RICTOR: variants seen among roughly 807,000 people sequenced by gnomAD.
RICTOR encodes rapamycin-insensitive companion of mTOR.
RICTOR carries 49 observed loss-of-function variants against 214.9 expected under a neutral mutation model. The ratio of observed to expected loss-of-function variants is 0.23; its 90% CI spans 0.18 to 0.29. RICTOR has a LOEUF of 0.29. Ranked by LOEUF, RICTOR falls within the 10% of genes least tolerant of loss-of-function variation. The pLI is 1.00. For synonymous variants in RICTOR, 717 were observed against 711.3 expected (o/e 1.01, Z -0.13); for missense variants, 1,625 against 2,047.0 (o/e 0.79, Z 3.98).
Position 38,978,639 on chromosome 5 carries a change from T to G in RICTOR, c.765A>C (p.Ala255=). 1 of 1,539,950 alleles carries G rather than the reference T, an allele frequency of 6.5e-7. No homozygotes were observed. Among genetic ancestry groups the G allele is most frequent in the Non-Finnish European group, 8.9e-7 (1 of 1,124,358 alleles). Residue 255 remains alanine, a synonymous_variant, in exon 9 of 38, where the codon GCA becomes GCC. Coordinates refer to ENST00000357387, the MANE Select transcript of RICTOR (RefSeq NM_152756.5). ...GTCTGTAGTGAAAATCAGTATAGGG[T>G]GCTAAAATTCTCTATTTAAAAAAAA... The part of the protein sequence containing the change: ...RADVELERIL[A]PYTDFHYRHS...
intron 3 of RICTOR, among the ~76,000 whole-genome samples, chr5:39,015,836 T>G (rs1754900185): frequency 6.6e-6 from 1 of 152,144 alleles, no homozygotes; most frequent in African/African-American, 2.4e-5. Context: ...ACATATTATG[T>G]GTCAGGCACT....
intron 8 of RICTOR, among the ~76,000 whole-genome samples, chr5:38,980,337 A>G (rs925728879): frequency 6.6e-6 from 1 of 152,146 alleles, no homozygotes; most frequent in African/African-American, 2.4e-5. Flanking sequence ...AAAGACTCCA[A>G]GTGATGTTAT....
chr5:38,950,469 T>G lies in RICTOR; in HGVS notation c.3379A>C (p.Ser1127Arg). The G allele has an allele frequency of 6.2e-7, 1 of 1,613,544 alleles. No homozygotes were observed. The highest frequency in any genetic ancestry group is 8.5e-7 in the Non-Finnish European group (1 of 1,179,658). The change falls in exon 31 of 38, where the codon AGC (serine) becomes CGC (arginine). Residue 1127 changes from serine to arginine, a missense_variant. Coordinates refer to ENST00000357387, the MANE Select transcript of RICTOR (RefSeq NM_152756.5). ...GGKLSSESKTSNRRIRTLTEP... is the reference protein window; with the variant it reads ...GGKLSSESKTRNRRIRTLTEP... ...GTAAGTGTTCTGATTCGCCTGTTGC[T>G]TGTCTTACTTTCAGATGATAATTTC...
intron 29 of RICTOR, 126 bp downstream of exon 29, chr5:38,952,859 G>C (rs1748911158): frequency 1.7e-6 from 1 of 590,230 alleles, no homozygotes; most frequent in Non-Finnish European, 3.0e-6. Flanking sequence ...TAATAATCTT[G>C]TATCATTAGA....
intron 2 of RICTOR, among the ~76,000 whole-genome samples, chr5:39,046,388 AAAG>A (rs536300632): frequency 3.6e-4 from 54 of 151,326 alleles, no homozygotes; most frequent in Non-Finnish European, 5.6e-4. Context: ...AAAAAAAAAA[AAAG>A]AAGAAGAATA....
rs765637610 is a variant in RICTOR at position 39,074,369 on chromosome 5, C to G, written c.9G>C (p.Ala3=). 18 of 1,539,474 alleles carry G rather than the reference C, an allele frequency of 1.2e-5. No homozygotes were observed. The highest frequency in any genetic ancestry group is 1.6e-5 in the Non-Finnish European group (18 of 1,142,394). MA[A]IGRGRSLKNL... ...TCTTCAGAGAGCGGCCGCGGCCGAT[C>G]GCCGCCATATTGACGGGTTTCAGTC... Residue 3 remains alanine (A), a synonymous_variant, in exon 1 of 38, where the codon GCG becomes GCC. Transcript: ENST00000357387.
At chr5:39,068,837 A>G (rs1254242253) in intron 2 of RICTOR, among the ~76,000 whole-genome samples, 2 of 152,228 alleles carry the variant, frequency 1.3e-5, no homozygotes, top group Non-Finnish European at 2.9e-5. Flanking sequence ...GGAAATACCT[A>G]GAATGTGAAA....
chr5:39,002,348 G>C (rs1366749794), intron 5 of RICTOR, among the ~76,000 whole-genome samples, 187 bp downstream of exon 5: 2 of 151,356 alleles, frequency 1.3e-5, no homozygotes, highest in African/African-American at 4.9e-5. Context: ...AGCTTTACTG[G>C]GATGCTGAAA....
intron 2 of RICTOR, among the ~76,000 whole-genome samples, chr5:39,055,423 C>T (rs1021853611): frequency 8.0e-6 from 1 of 125,072 alleles, no homozygotes; most frequent in African/African-American, 3.0e-5. Flanking sequence ...CAATTCCCCC[C>T]CCCCACTCTT....
intron 10 of RICTOR, among the ~76,000 whole-genome samples, chr5:38,974,952 TC>T (rs1462249829): frequency 2.6e-5 from 4 of 152,220 alleles, no homozygotes; most frequent in Non-Finnish European, 4.4e-5. Flanking sequence ...AAGAAGATAA[TC>T]ATTAATACAT....
At chr5:39,068,844 G>T (rs1438166718) in intron 2 of RICTOR, among the ~76,000 whole-genome samples, 1 of 152,180 alleles carries the variant, frequency 6.6e-6, no homozygotes, top group Admixed American at 6.5e-5. Context: ...CCTAGAATGT[G>T]AAAAGTGGGT....
At chr5:38,954,665 A>G in intron 27 of RICTOR, 109 bp downstream of exon 27, 1 of 666,542 alleles carries the variant, frequency 1.5e-6, no homozygotes, top group South Asian at 1.7e-5. Flanking sequence ...TACACCACTG[A>G]TATTAAAGCT....
chr5:39,033,537 C>A (rs966427292), intron 2 of RICTOR, among the ~76,000 whole-genome samples: 13 of 152,160 alleles, frequency 8.5e-5, no homozygotes, highest in Admixed American at 6.5e-4. Flanking sequence ...GCTGGGATTA[C>A]AGGCATAAAA....
intron 3 of RICTOR, among the ~76,000 whole-genome samples, chr5:39,008,895 T>C (rs1266795604): frequency 6.6e-6 from 1 of 151,994 alleles, no homozygotes; most frequent in African/African-American, 2.4e-5. Context: ...AGTGTTATCA[T>C]TACTTCATCC....
intron 10 of RICTOR, among the ~76,000 whole-genome samples, chr5:38,974,491 A>G (rs1311964734): frequency 1.3e-5 from 2 of 152,220 alleles, no homozygotes; most frequent in Admixed American, 6.5e-5. Flanking sequence ...GATAGTAGCT[A>G]GGATGCAGGA....
At chr5:39,005,649 T>G (rs1416838151) in intron 3 of RICTOR, among the ~76,000 whole-genome samples, 1 of 152,210 alleles carries the variant, frequency 6.6e-6, no homozygotes, top group Non-Finnish European at 1.5e-5. Context: ...ATTAACTGTT[T>G]TCCCTTTTGT....
chr5:39,061,966 G>C (rs1005873734), intron 2 of RICTOR, among the ~76,000 whole-genome samples: 2 of 151,872 alleles, frequency 1.3e-5, no homozygotes, highest in Non-Finnish European at 2.9e-5. Context: ...AAATAAGGTG[G>C]TTTAAGCATT....
chr5:39,058,925 C>A (rs1210136003), intron 2 of RICTOR, among the ~76,000 whole-genome samples: 1 of 152,038 alleles, frequency 6.6e-6, no homozygotes, highest in African/African-American at 2.4e-5. Flanking sequence ...GTTCACCTAT[C>A]TAGACATATT....
At chr5:39,036,784 G>A (rs1756741335) in intron 2 of RICTOR, among the ~76,000 whole-genome samples, 1 of 152,178 alleles carries the variant, frequency 6.6e-6, no homozygotes, top group African/African-American at 2.4e-5. Context: ...AAATATATAT[G>A]CACCCAATAC....
Sources: allele counts gnomAD v4.1 joint callset (sites outside exome capture counted in the v4.1 genomes callset), GRCh38; gene constraint gnomAD v4.1.1; transcripts MANE v1.5; gene names NCBI Gene and HGNC (gene_info 2026-07-23, HGNC 2026-07-21).